Variants in WDFY3 observed in about 807,000 individuals in gnomAD.
WDFY3 encodes WD repeat and FYVE domain-containing protein 3.
In WDFY3, 66 loss-of-function variants were observed where a neutral mutation model predicts 409.6. That is an observed-to-expected ratio of 0.16 (90% CI 0.13 to 0.20). The LOEUF (loss-of-function observed/expected upper bound fraction) is 0.20, where lower values mean the gene tolerates loss of function less well. WDFY3 is among the 10% of genes least tolerant of loss of function. The pLI is 1.00. For missense variants in WDFY3, 3,031 were observed against 4,298.1 expected, an observed-to-expected ratio of 0.71 and a Z score of 8.24; for synonymous variants, 1,521 against 1,537.1, an observed-to-expected ratio of 0.99 and a Z score of 0.25.
chr4:84,712,050 A>T (rs1732991871), intron 51 of WDFY3, among the ~76,000 whole-genome samples: 1 of 152,026 alleles, frequency 6.6e-6, no homozygotes, highest in African/African-American at 2.4e-5. Flanking sequence ...ATAGCCGGGC[A>T]TGGTGACTCA....
intron 1 of WDFY3, among the ~76,000 whole-genome samples, chr4:84,958,057 A>G (rs1382766866): frequency 1.3e-5 from 2 of 152,176 alleles, no homozygotes; most frequent in African/African-American, 2.4e-5. Context: ...GAAAGAATGC[A>G]TCTCTAAGTA....
intron 55 of WDFY3, among the ~76,000 whole-genome samples, 174 bp downstream of exon 55, chr4:84,704,164 C>T (rs767423351): frequency 6.6e-6 from 1 of 152,142 alleles, no homozygotes; most frequent in Non-Finnish European, 1.5e-5. Flanking sequence ...TAAGCGAATT[C>T]TAGTTCATTA....
intron 49 of WDFY3, 50 bp downstream of exon 49, chr4:84,716,846 A>G (rs1734032412): frequency 1.5e-6 from 2 of 1,377,516 alleles, no homozygotes; most frequent in East Asian, 5.4e-5. Context: ...AAAACAATAC[A>G]TTTTCAGAAT....
chr4:84,755,653 T>C (rs1741307880), intron 33 of WDFY3, among the ~76,000 whole-genome samples: 1 of 152,310 alleles, frequency 6.6e-6, no homozygotes, highest in Admixed American at 6.5e-5. Flanking sequence ...CATTGCTTTC[T>C]ACCTTTTTCC....
chr4:84,677,076 T>C, intron 67 of WDFY3, 123 bp downstream of exon 67: 1 of 1,121,426 alleles, frequency 8.9e-7, no homozygotes, highest in Non-Finnish European at 1.2e-6. Flanking sequence ...TGAAGACTGG[T>C]TCATACCAAC....
chr4:84,741,638 C>G (rs1329483755), intron 38 of WDFY3, 123 bp downstream of exon 38: 1 of 1,182,686 alleles, frequency 8.5e-7, no homozygotes, highest in Non-Finnish European at 1.2e-6. Context: ...TTTTAATAAG[C>G]TTAGCTTTTT....
Position 84,817,599 on chromosome 4 carries a change from G to A in WDFY3, c.1694-14C>T. ...CTCGAAAAATTCCTTGAAGGAAGGA[G>A]AAAAAGTCCAACAATGGCTACTTTA... On this transcript the variant is annotated splice_polypyrimidine_tract_variant and intron_variant, in intron 12 of 67. Coordinates refer to ENST00000295888, the MANE Select transcript of WDFY3 (RefSeq NM_014991.6). 6.3e-7 allele frequency: 1 copy of A among 1,580,884 alleles called. No individual in the cohort carries two copies. The highest frequency in any genetic ancestry group is 8.6e-7 in the Non-Finnish European group (1 of 1,162,916).
chr4:84,957,508 C>G (rs935178897), intron 1 of WDFY3, among the ~76,000 whole-genome samples: 1 of 152,146 alleles, frequency 6.6e-6, no homozygotes, highest in Non-Finnish European at 1.5e-5. Flanking sequence ...CTCAATGTCC[C>G]TTCTCTGAAG....
chr4:84,836,896 A>G lies in WDFY3; in HGVS notation c.576+33T>C, dbSNP rs889025922. On this transcript the variant is annotated intron_variant, in intron 7 of 67. Coordinates refer to ENST00000295888, the MANE Select transcript of WDFY3 (RefSeq NM_014991.6). Reference sequence around the variant, plus strand: ...GAAGTATACCCACTTCCCTTTAAATAGGGTGGAGGTAGGCAAATAGCACCT... The same window carrying G: ...GAAGTATACCCACTTCCCTTTAAATGGGGTGGAGGTAGGCAAATAGCACCT... 13 of 1,421,868 alleles carry G rather than the reference A, an allele frequency of 9.1e-6. No individual in the cohort carries two copies. In the African/African-American group the frequency reaches 1.3e-4, roughly 14 times the overall value. 88.1% of individuals were successfully genotyped at this position (1,421,868 alleles called of 1,614,324 possible). A position where few individuals can be genotyped will look rare whatever the true frequency, so the allele number is the denominator to read the frequency against.
At position 84,794,501 on chromosome 4, in the gene WDFY3, AC is replaced by A; in HGVS notation, c.3487+17del. On this transcript the variant is annotated intron_variant, in intron 21 of 67. Transcript: ENST00000295888. ...ATACTTCTATAATCAAAAGAAGAAAACAAAAAAAAATACTGACCATAATTTT... is the reference window on the plus strand; with the variant it reads ...ATACTTCTATAATCAAAAGAAGAAAAAAAAAAAAATACTGACCATAATTTT... The A allele has an allele frequency of 1.3e-6, 2 of 1,597,192 alleles. No homozygotes were observed. Among genetic ancestry groups the A allele is most frequent in the Non-Finnish European group, 1.7e-6 (2 of 1,174,262 alleles).
rs998995722 is a variant in WDFY3 at position 84,820,484 on chromosome 4, A to T, written c.1592-298T>A. 6.6e-5 allele frequency among the ~76,000 whole-genome samples: 10 copies of T among 152,198 alleles called. No homozygotes were observed. In the East Asian group the frequency reaches 1.5e-3, roughly 23 times the overall value. The stretch of plus-strand genomic sequence containing the variant: ...TCACAGAGGGTTTTCCTAATAAAGG[A>T]TGTCAACAGGAGAACGCTAGATTTT... On this transcript the variant is annotated intron_variant, in intron 11 of 67. Transcript: ENST00000295888.
At chr4:84,723,723 G>A (rs1560602113) in intron 46 of WDFY3, among the ~76,000 whole-genome samples, 1 of 152,218 alleles carries the variant, frequency 6.6e-6, no homozygotes, top group African/African-American at 2.4e-5. Context: ...CATGAGCGAA[G>A]TATTATCAGT....
chr4:84,684,684 G>A (rs1055783188), intron 62 of WDFY3, among the ~76,000 whole-genome samples: 1 of 152,064 alleles, frequency 6.6e-6, no homozygotes, highest in African/African-American at 2.4e-5. Context: ...GGGGGAATGT[G>A]GGGGGAGAAA....
In WDFY3 at chr4:84,783,089, A is replaced by G; in HGVS notation, c.4063-15T>C. The stretch of plus-strand genomic sequence containing the variant: ...GAAATGCCTAACTGAAAAATAGGAA[A>G]GGAAAAGAATGTAATTATATAAGAA... On this transcript the variant is annotated splice_polypyrimidine_tract_variant and intron_variant, in intron 24 of 67. Coordinates refer to ENST00000295888, the MANE Select transcript of WDFY3 (RefSeq NM_014991.6). 1 of 1,604,190 alleles carries G rather than the reference A, an allele frequency of 6.2e-7. No individual in the cohort carries two copies. The highest frequency in any genetic ancestry group is 8.5e-7 in the Non-Finnish European group (1 of 1,171,886).
intron 44 of WDFY3, among the ~76,000 whole-genome samples, chr4:84,731,196 C>T (rs558190143): frequency 3.0e-4 from 46 of 152,280 alleles, no homozygotes; most frequent in Non-Finnish European, 5.3e-4. Context: ...GATTGGACAA[C>T]CTTGATCTAG....
chr4:84,916,132 C>T (rs1210100827), intron 2 of WDFY3, among the ~76,000 whole-genome samples: 9 of 151,936 alleles, frequency 5.9e-5, no homozygotes, highest in East Asian at 1.9e-4. Context: ...TTTCAGAAAA[C>T]GGATGAACGA....
intron 2 of WDFY3, among the ~76,000 whole-genome samples, chr4:84,916,877 C>A (rs1352781129): frequency 6.6e-6 from 1 of 152,094 alleles, no homozygotes; most frequent in Admixed American, 6.6e-5. Context: ...GGCTGGCAAA[C>A]ATCTATAAGC....
At chr4:84,806,272 C>T (rs1005405388) in intron 15 of WDFY3, among the ~76,000 whole-genome samples, 2 of 152,060 alleles carry the variant, frequency 1.3e-5, no homozygotes, top group African/African-American at 2.4e-5. Flanking sequence ...TGATTCTTAC[C>T]ATTGAGCAAA....
At chr4:84,878,191 G>T (rs549959013) in intron 3 of WDFY3, among the ~76,000 whole-genome samples, 1 of 152,152 alleles carries the variant, frequency 6.6e-6, no homozygotes, top group East Asian at 1.9e-4. Context: ...TTAGGTTTGG[G>T]TGGTAAACAG....
Sources: allele counts gnomAD v4.1 joint callset (sites outside exome capture counted in the v4.1 genomes callset), GRCh38; gene constraint gnomAD v4.1.1; transcripts MANE v1.5; gene names NCBI Gene and HGNC (gene_info 2026-07-23, HGNC 2026-07-21).